Variants in FRMD4A observed in about 807,000 individuals in gnomAD.
FRMD4A encodes FERM domain-containing protein 4A.
A neutral mutation model predicts 129.1 loss-of-function variants in FRMD4A; 29 were observed. That is an observed-to-expected ratio of 0.22 (90% CI 0.17 to 0.31). FRMD4A has a LOEUF of 0.31. Among genes scored for constraint, FRMD4A ranks in the 10% least tolerant of loss-of-function variants. The pLI is 1.00. For synonymous variants in FRMD4A, 634 were observed against 571.6 expected (o/e 1.11, Z -1.56); for missense variants, 1,272 against 1,375.8 (o/e 0.92, Z 1.19).
chr10:14,078,877 C>T (rs189902795), intron 2 of FRMD4A, among the ~76,000 whole-genome samples: 45 of 152,240 alleles, frequency 3.0e-4, no homozygotes, highest in Admixed American at 2.3e-3. Context: ...TAGTGTCTTC[C>T]GGCTGTGTGA....
At chr10:14,231,131 G>A (rs1258880697) in intron 2 of FRMD4A, among the ~76,000 whole-genome samples, 2 of 152,112 alleles carry the variant, frequency 1.3e-5, no homozygotes, top group Non-Finnish European at 2.9e-5. Context: ...TCCTTTGGAT[G>A]TATATCCAGT....
At chr10:14,201,141 C>A (rs955290911) in intron 2 of FRMD4A, among the ~76,000 whole-genome samples, 1 of 152,166 alleles carries the variant, frequency 6.6e-6, no homozygotes, top group East Asian at 1.9e-4. Flanking sequence ...CGGACAGCAG[C>A]CCTGACCCCA....
intron 2 of FRMD4A, among the ~76,000 whole-genome samples, chr10:14,133,363 CA>C (rs1401344873): frequency 1.1e-4 from 17 of 152,146 alleles, no homozygotes; most frequent in African/African-American, 4.1e-4. Flanking sequence ...GAAAAAGTAC[CA>C]AAATAATTAC....
At chr10:14,167,057 C>A (rs975134869) in intron 2 of FRMD4A, among the ~76,000 whole-genome samples, 14 of 152,034 alleles carry the variant, frequency 9.2e-5, no homozygotes, top group Admixed American at 6.6e-5. Context: ...TAACATGAAT[C>A]GATAGTCTAT....
intron 2 of FRMD4A, among the ~76,000 whole-genome samples, chr10:13,869,511 T>G (rs1240215103): frequency 6.6e-6 from 1 of 152,208 alleles, no homozygotes; most frequent in Non-Finnish European, 1.5e-5. Context: ...CAGCCAACGC[T>G]CTGACTACAA....
At chr10:14,107,889 T>A (rs558369180) in intron 2 of FRMD4A, among the ~76,000 whole-genome samples, 2 of 152,328 alleles carry the variant, frequency 1.3e-5, no homozygotes, top group South Asian at 4.1e-4. Context: ...TTTCTTTTGC[T>A]ATGATAAATA....
At chr10:13,925,977 G>A (rs902675034) in intron 2 of FRMD4A, among the ~76,000 whole-genome samples, 6 of 150,696 alleles carry the variant, frequency 4.0e-5, no homozygotes, top group African/African-American at 1.5e-4. Context: ...TGAATTTGGT[G>A]TGTGCTAAAA....
At chr10:13,929,682 C>A (rs947732352) in intron 2 of FRMD4A, among the ~76,000 whole-genome samples, 2 of 152,236 alleles carry the variant, frequency 1.3e-5, no homozygotes, top group Non-Finnish European at 2.9e-5. Context: ...AAGTCATTCC[C>A]GAATATTAAC....
chr10:13,798,997 C>G (rs1320246904), intron 4 of FRMD4A, among the ~76,000 whole-genome samples: 1 of 152,148 alleles, frequency 6.6e-6, no homozygotes. Flanking sequence ...TCAGCTCTCA[C>G]GTCTCCGCTC....
At chr10:13,724,906 G>A (rs906954584) in intron 12 of FRMD4A, among the ~76,000 whole-genome samples, 13 of 152,164 alleles carry the variant, frequency 8.5e-5, no homozygotes, top group African/African-American at 2.9e-4. Flanking sequence ...AGACATATCA[G>A]CTGCAGTAGG....
intron 2 of FRMD4A, among the ~76,000 whole-genome samples, chr10:14,171,030 A>G (rs375114874): frequency 1.7e-4 from 2 of 11,860 alleles, no homozygotes; most frequent in South Asian, 5.1e-3. Context: ...TTTTTTGTTT[A>G]TTTGTTTGTT....
chr10:14,199,322 A>G (rs1192084769), intron 2 of FRMD4A, among the ~76,000 whole-genome samples: 1 of 89,552 alleles, frequency 1.1e-5, no homozygotes, highest in African/African-American at 3.9e-5. Context: ...TTATTTATTT[A>G]TTTATTATGT....
Position 14,098,741 on chromosome 10 carries a change from C to T in FRMD4A, c.45+231317G>A, listed in dbSNP as rs186189736. On this transcript the variant is annotated intron_variant, in intron 2 of 24. Coordinates refer to ENST00000357447, the MANE Select transcript of FRMD4A (RefSeq NM_018027.5). ...GTTCTCAAGAACCCCCCAATCTAGTCTCTTACCCTAGTGCCTCCCTAGCAC... is the reference window on the plus strand; with the variant it reads ...GTTCTCAAGAACCCCCCAATCTAGTTTCTTACCCTAGTGCCTCCCTAGCAC... 7.0e-4 allele frequency among the ~76,000 whole-genome samples: 106 copies of T among 152,274 alleles called. 1 individual carries two copies. Among genetic ancestry groups the T allele is most frequent in the Middle Eastern group, 3.4e-3 (1 of 294 alleles).
intron 15 of FRMD4A, among the ~76,000 whole-genome samples, chr10:13,689,535 T>TAAA (rs1554844176): frequency 6.7e-6 from 1 of 148,894 alleles, no homozygotes; most frequent in African/African-American, 2.5e-5. Flanking sequence ...TCTAGGAACA[T>TAAA]AGATTAGAAG....
At chr10:14,166,888 C>T (rs2131878803) in intron 2 of FRMD4A, among the ~76,000 whole-genome samples, 1 of 152,294 alleles carries the variant, frequency 6.6e-6, no homozygotes, top group Non-Finnish European at 1.5e-5. Flanking sequence ...ATGGGTGCTC[C>T]TTGTTCATTT....
intron 2 of FRMD4A, among the ~76,000 whole-genome samples, chr10:14,246,345 T>C (rs2132013135): frequency 6.6e-6 from 1 of 151,780 alleles, no homozygotes; most frequent in South Asian, 2.1e-4. Flanking sequence ...CCTACACAGA[T>C]CCAAGAAGTG....
chr10:13,975,338 C>G (rs1233298525), intron 2 of FRMD4A, among the ~76,000 whole-genome samples: 4 of 150,864 alleles, frequency 2.7e-5, no homozygotes, highest in African/African-American at 9.8e-5. Context: ...CTCTGAGCCT[C>G]TATGTATGTG....
At chr10:14,282,855 C>T (rs1845566069) in intron 2 of FRMD4A, among the ~76,000 whole-genome samples, 1 of 152,204 alleles carries the variant, frequency 6.6e-6, no homozygotes, top group Non-Finnish European at 1.5e-5. Flanking sequence ...CTTCTGCCTA[C>T]TGCTCTGAGG....
intron 2 of FRMD4A, among the ~76,000 whole-genome samples, chr10:13,978,062 A>C (rs2095548209): frequency 6.6e-6 from 1 of 152,190 alleles, no homozygotes; most frequent in Non-Finnish European, 1.5e-5. Context: ...CCATTTGAGG[A>C]ACTGCCAGAC....
Sources: gnomAD v4.1 joint callset for allele counts (sites outside exome capture counted in the v4.1 genomes callset) on GRCh38, gnomAD v4.1.1 for gene constraint, MANE v1.5 for transcripts, NCBI Gene and HGNC (gene_info 2026-07-23, HGNC 2026-07-21) for gene names.